Variants in ME3 observed in about 807,000 individuals in gnomAD.
ME3 encodes the protein malic enzyme 3.
Under a neutral mutation model 68.9 loss-of-function variants are expected in ME3, and 48 were observed. The observed-to-expected ratio is 0.70, with a 90% CI of 0.55 to 0.89. The LOEUF is 0.89. ME3 is among the 40% of genes least tolerant of loss of function. The probability of loss-of-function intolerance (pLI) is 0.00; values close to 1 mark genes in which losing one functional copy is unlikely to be tolerated. For missense variants in ME3, 675 were observed against 797.4 expected (o/e 0.85, Z 1.85); for synonymous variants, 320 against 318.8 (o/e 1.00, Z -0.04).
chr11:86,656,855 AT>A (rs1372664984), intron 2 of ME3, among the ~76,000 whole-genome samples: 67 of 113,226 alleles, frequency 5.9e-4, no homozygotes, highest in Admixed American at 2.3e-3. Flanking sequence ...TGATAAACAT[AT>A]GAAAAAAAAA....
intron 2 of ME3, among the ~76,000 whole-genome samples, chr11:86,619,799 G>A (rs1010923023): frequency 6.6e-6 from 1 of 152,146 alleles, no homozygotes; most frequent in African/African-American, 2.4e-5. Flanking sequence ...TTGTCAACAT[G>A]ATACCTTTTA....
intron 2 of ME3, among the ~76,000 whole-genome samples, chr11:86,564,470 A>AAAC (rs72410952): frequency 5.0e-5 from 6 of 119,626 alleles, no homozygotes; most frequent in African/African-American, 1.7e-4. Context: ...AGGAAAAAAA[A>AAAC]AAAAAACAGT....
At chr11:86,487,438 C>G (rs1951759403) in exon 7 of ME3, 2 of 1,613,618 alleles carry the variant, frequency 1.2e-6, no homozygotes, top group East Asian at 4.5e-5. Flanking sequence ...CTCTGAGCAG[C>G]TCCTGGAACA....
chr11:86,524,538 G>T (rs573836430), intron 4 of ME3, among the ~76,000 whole-genome samples: 3 of 152,142 alleles, frequency 2.0e-5, no homozygotes, highest in African/African-American at 7.2e-5. Flanking sequence ...GTAAAAGCTC[G>T]AATCCATTTT....
At chr11:86,650,033 C>A (rs924505047) in intron 2 of ME3, among the ~76,000 whole-genome samples, 4 of 152,180 alleles carry the variant, frequency 2.6e-5, no homozygotes, top group African/African-American at 4.8e-5. Context: ...CAGTTGGAGG[C>A]ATCATGCTAC....
At chr11:86,459,517 G>A (rs1447116128) in intron 8 of ME3, among the ~76,000 whole-genome samples, 2 of 152,136 alleles carry the variant, frequency 1.3e-5, no homozygotes, top group African/African-American at 2.4e-5. Flanking sequence ...TGCCATAAAC[G>A]GGTGTTGGAA....
intron 2 of ME3, among the ~76,000 whole-genome samples, chr11:86,597,250 C>A (rs778982701): frequency 2.0e-5 from 3 of 152,232 alleles, no homozygotes; most frequent in African/African-American, 4.8e-5. Flanking sequence ...GAGCTCAGTT[C>A]CAAGGAACAC....
At chr11:86,658,132 AT>A (rs11387187) in intron 2 of ME3, among the ~76,000 whole-genome samples, 3 of 148,498 alleles carry the variant, frequency 2.0e-5, no homozygotes, top group African/African-American at 2.5e-5. Context: ...CTTCTTCACA[AT>A]TTTTTTTTTT....
At chr11:86,654,948 A>C (rs1284845223) in intron 2 of ME3, among the ~76,000 whole-genome samples, 3 of 152,220 alleles carry the variant, frequency 2.0e-5, no homozygotes, top group African/African-American at 2.4e-5. Flanking sequence ...TCTTATACAC[A>C]AATAACAGAC....
exon 9 of ME3, chr11:86,450,346 C>G (rs1042780): frequency 0.32 from 516,460 of 1,613,612 alleles, 84,221 homozygotes; most frequent in South Asian, 0.38. Flanking sequence ...AAAGCTTGTT[C>G]TTGGTGATTC....
chr11:86,521,423 C>CA (rs201957441), intron 4 of ME3, among the ~76,000 whole-genome samples: 10 of 85,990 alleles, frequency 1.2e-4, no homozygotes, highest in South Asian at 7.3e-4. Context: ...CAAAACAAAA[C>CA]AAAACAAAAA....
At chr11:86,653,870 G>C (rs533172495) in intron 2 of ME3, among the ~76,000 whole-genome samples, 1 of 152,170 alleles carries the variant, frequency 6.6e-6, no homozygotes, top group South Asian at 2.1e-4. Context: ...AAGAAGAAAA[G>C]AGAGAAGAAT....
chr11:86,656,764 C>T (rs1045074756), intron 2 of ME3, among the ~76,000 whole-genome samples: 1 of 151,184 alleles, frequency 6.6e-6, no homozygotes, highest in African/African-American at 2.4e-5. Flanking sequence ...AAAAAATTTA[C>T]AAGAGAAAAG....
At chr11:86,564,167 T>TGGTTAGCTGTATTCCTA (rs1957366748) in intron 2 of ME3, among the ~76,000 whole-genome samples, 1 of 152,158 alleles carries the variant, frequency 6.6e-6, no homozygotes, top group South Asian at 2.1e-4. Context: ...TGCTTTTCCT[T>TGGTTAGCTGTATTCCTA]GGTTAGCTGT....
At chr11:86,610,553 T>A (rs1020497893) in intron 2 of ME3, among the ~76,000 whole-genome samples, 1 of 152,168 alleles carries the variant, frequency 6.6e-6, no homozygotes. Flanking sequence ...CCACTTTCCA[T>A]TCCAAGGCCC....
At chr11:86,619,415 A>G (rs554451086) in intron 2 of ME3, among the ~76,000 whole-genome samples, 1 of 152,290 alleles carries the variant, frequency 6.6e-6, no homozygotes, top group East Asian at 1.9e-4. Flanking sequence ...GCCAAATTTG[A>G]TCTTACTTGT....
At chr11:86,501,348 T>A (rs960154789) in intron 5 of ME3, among the ~76,000 whole-genome samples, 4 of 152,222 alleles carry the variant, frequency 2.6e-5, no homozygotes, top group Non-Finnish European at 1.5e-5. Context: ...TCTCAGACTT[T>A]GAAATTATTT....
intron 13 of ME3, among the ~76,000 whole-genome samples, chr11:86,443,475 G>A (rs12417575): frequency 0.7 from 106,711 of 152,176 alleles, 37,590 homozygotes; most frequent in Non-Finnish European, 0.73. Context: ...AGAGCCTCCC[G>A]TAGCTTCCCT....
At chr11:86,449,189 A>T (rs916821722) in intron 10 of ME3, among the ~76,000 whole-genome samples, 4 of 152,190 alleles carry the variant, frequency 2.6e-5, no homozygotes, top group African/African-American at 9.7e-5. Context: ...TCTCACTGAC[A>T]TTCTATGTTA....
Sources: allele counts gnomAD v4.1 joint callset (sites outside exome capture counted in the v4.1 genomes callset), GRCh38; gene constraint gnomAD v4.1.1; transcripts MANE v1.5; gene names NCBI Gene and HGNC (gene_info 2026-07-23, HGNC 2026-07-21).